The following LIN28B variants were observed in gnomAD, a reference collection of about 807,000 sequenced individuals.
LIN28B encodes the protein protein lin-28 homolog B.
LIN28B carries 5 observed loss-of-function variants against 21.9 expected under a neutral mutation model. The observed-to-expected ratio is 0.23, with a 90% confidence interval of 0.12 to 0.48. The LOEUF (loss-of-function observed/expected upper bound fraction) is 0.48. Ranked by LOEUF, LIN28B falls within the 20% of genes least tolerant of loss-of-function variation. LIN28B has a pLI of 0.98. For synonymous variants in LIN28B, 109 were observed against 111.3 expected (o/e 0.98, Z 0.13); for missense variants, 245 against 310.5 (o/e 0.79, Z 1.58).
intron 3 of LIN28B, among the ~76,000 whole-genome samples, chr6:105,036,748 A>G (rs1771529954): frequency 6.6e-6 from 1 of 152,228 alleles, no homozygotes; most frequent in Admixed American, 6.5e-5. Flanking sequence ...TGCCTACAGA[A>G]AAAAAGTTCC....
At chr6:105,058,489 G>C (rs1398283741) in intron 3 of LIN28B, among the ~76,000 whole-genome samples, 2 of 152,184 alleles carry the variant, frequency 1.3e-5, no homozygotes, top group African/African-American at 4.8e-5. Flanking sequence ...CAAGATGAAA[G>C]CTTCAGATTG....
At chr6:105,037,479 TC>T (rs1416900727) in intron 3 of LIN28B, among the ~76,000 whole-genome samples, 2 of 123,322 alleles carry the variant, frequency 1.6e-5, no homozygotes, top group African/African-American at 6.1e-5. Flanking sequence ...TCCTCCCCTC[TC>T]CTCCCCCTCC....
chr6:105,057,606 G>T (rs1772044865), intron 3 of LIN28B, among the ~76,000 whole-genome samples: 1 of 151,902 alleles, frequency 6.6e-6, no homozygotes, highest in African/African-American at 2.4e-5. Flanking sequence ...TCTTTTACTT[G>T]TATGGAATGG....
intron 3 of LIN28B, among the ~76,000 whole-genome samples, chr6:105,040,004 G>A (rs1771600746): frequency 6.6e-6 from 1 of 152,096 alleles, no homozygotes; most frequent in African/African-American, 2.4e-5. Context: ...TTAGTCTGAT[G>A]TTTGCTATTG....
chr6:104,960,326 A>G (rs1198153218), intron 2 of LIN28B, among the ~76,000 whole-genome samples: 1 of 152,166 alleles, frequency 6.6e-6, no homozygotes, highest in Non-Finnish European at 1.5e-5. Flanking sequence ...TGTAAATGAT[A>G]CAGGTATTAT....
intron 2 of LIN28B, among the ~76,000 whole-genome samples, chr6:104,975,073 G>A (rs1034251509): frequency 5.3e-5 from 8 of 152,048 alleles, no homozygotes; most frequent in Non-Finnish European, 8.8e-5. Context: ...GCCCACTTCG[G>A]CCTCCCAAAG....
At chr6:105,067,804 A>T (rs965746635) in intron 3 of LIN28B, among the ~76,000 whole-genome samples, 2 of 152,230 alleles carry the variant, frequency 1.3e-5, no homozygotes, top group Non-Finnish European at 2.9e-5. Context: ...TAATGGAATG[A>T]TATATAAAAA....
upstream of LIN28B, among the ~76,000 whole-genome samples, chr6:104,956,779 G>C (rs1247402110): frequency 6.6e-6 from 1 of 152,116 alleles, no homozygotes; most frequent in African/African-American, 2.4e-5. Flanking sequence ...TTGTGTGTAA[G>C]GCACGCGTGT....
At chr6:104,942,163 ACTC>A (rs1275364489) in intron 2 of LIN28B, among the ~76,000 whole-genome samples, 1 of 152,170 alleles carries the variant, frequency 6.6e-6, no homozygotes, top group East Asian at 1.9e-4. Context: ...AATAAATTAT[ACTC>A]CTATTCTATT....
chr6:104,969,226 C>T (rs1171547420), intron 2 of LIN28B, among the ~76,000 whole-genome samples: 1 of 152,090 alleles, frequency 6.6e-6, no homozygotes, highest in Non-Finnish European at 1.5e-5. Context: ...TCGTTGAATA[C>T]TCAGTCTAAG....
intron 2 of LIN28B, among the ~76,000 whole-genome samples, chr6:105,016,644 G>C (rs1771033397): frequency 6.6e-6 from 1 of 152,024 alleles, no homozygotes; most frequent in African/African-American, 2.4e-5. Context: ...CCACCATCCT[G>C]ATTCTCCCTC....
intron 2 of LIN28B, among the ~76,000 whole-genome samples, chr6:104,974,505 GA>G (rs1056533715): frequency 3.5e-5 from 5 of 144,256 alleles, no homozygotes; most frequent in Non-Finnish European, 6.1e-5. Flanking sequence ...AAAAAAAAAA[GA>G]AAAAGAAAAA....
intron 2 of LIN28B, among the ~76,000 whole-genome samples, chr6:104,977,768 A>G (rs936746912): frequency 6.6e-6 from 1 of 152,094 alleles, no homozygotes; most frequent in South Asian, 2.1e-4. Flanking sequence ...GAGTTTCACT[A>G]TATTAGCCAG....
chr6:105,032,782 T>G (rs1012381291), intron 3 of LIN28B, among the ~76,000 whole-genome samples: 1 of 152,180 alleles, frequency 6.6e-6, no homozygotes, highest in African/African-American at 2.4e-5. Context: ...ATCATGGTTT[T>G]AATTTTCATT....
chr6:104,986,690 G>A (rs1770353357), intron 2 of LIN28B, among the ~76,000 whole-genome samples: 1 of 152,178 alleles, frequency 6.6e-6, no homozygotes, highest in Non-Finnish European at 1.5e-5. Context: ...AACTAAAATA[G>A]AGTTGAGAAA....
chr6:104,950,061 CAAAG>C (rs1401182856), intron 2 of LIN28B, among the ~76,000 whole-genome samples: 1 of 151,968 alleles, frequency 6.6e-6, no homozygotes, highest in Non-Finnish European at 1.5e-5. Context: ...AGAGAATAGT[CAAAG>C]AAGTTAGTTC....
Position 105,026,440 on chromosome 6 carries a change from C to G in LIN28B, c.341C>G (p.Pro114Arg). 2 of 1,605,624 alleles carry G rather than the reference C, an allele frequency of 1.2e-6. No homozygotes were observed. The highest frequency in any genetic ancestry group is 1.7e-6 in the Non-Finnish European group (2 of 1,176,732). ...CCCTGTTTAGGAAGTGAAAGAAGAC[C>G]CAAAGGGAAGACACTACAGAAAAGA... ...GSPCLGSERR[P>R]KGKTLQKRKP... Residue 114 changes from proline (P) to arginine (R), a missense_variant, in exon 3 of 4, where the codon CCC (proline) becomes CGC (arginine). Physicochemically the swap from Pro to Arg is moderately radical, Grantham distance 103 (BLOSUM62 -2). Transcript: ENST00000345080.
chr6:104,964,046 T>C (rs1375532861), intron 2 of LIN28B, among the ~76,000 whole-genome samples: 1 of 152,238 alleles, frequency 6.6e-6, no homozygotes, highest in Non-Finnish European at 1.5e-5. Context: ...TTTTGTCGCT[T>C]TCAGGCAGCA....
chr6:105,053,858 A>G (rs1360780238), intron 3 of LIN28B, among the ~76,000 whole-genome samples: 1 of 151,922 alleles, frequency 6.6e-6, no homozygotes, highest in Non-Finnish European at 1.5e-5. Flanking sequence ...TCAGCCTGCC[A>G]TATTCAGGAT....
Sources: gnomAD v4.1 joint callset for allele counts (sites outside exome capture counted in the v4.1 genomes callset) on GRCh38, gnomAD v4.1.1 for gene constraint, MANE v1.5 for transcripts, NCBI Gene and HGNC (gene_info 2026-07-23, HGNC 2026-07-21) for gene names.